PDE4D: variants seen among roughly 807,000 people sequenced by gnomAD.
PDE4D encodes the protein 3',5'-cyclic-AMP phosphodiesterase 4D.
A neutral mutation model predicts 87.4 loss-of-function variants in PDE4D; 24 were observed. The ratio of observed to expected loss-of-function variants is 0.27; its 90% CI spans 0.20 to 0.39. The LOEUF (loss-of-function observed/expected upper bound fraction) is 0.39, where lower values mean the gene tolerates loss of function less well. PDE4D is among the 10% of genes least tolerant of loss of function. PDE4D has a pLI of 1.00. For missense variants in PDE4D, 714 were observed against 1,041.0 expected (o/e 0.69, Z 4.32); for synonymous variants, 384 against 383.2 (o/e 1.00, Z -0.02).
chr5:60,518,748 T>C (rs1445587125), intron 1 of PDE4D, among the ~76,000 whole-genome samples: 1 of 152,210 alleles, frequency 6.6e-6, no homozygotes, highest in African/African-American at 2.4e-5. Flanking sequence ...CTAGTCTTCA[T>C]AATGTTGAAA....
chr5:60,208,570 A>C (rs189436821), intron 1 of PDE4D, among the ~76,000 whole-genome samples: 80 of 152,300 alleles, frequency 5.3e-4, no homozygotes, highest in Non-Finnish European at 9.3e-4. Context: ...AAAAAGGCAG[A>C]AAAGGGCACC....
chr5:59,482,680 T>A (rs1804476221), intron 1 of PDE4D, among the ~76,000 whole-genome samples: 1 of 152,148 alleles, frequency 6.6e-6, no homozygotes, highest in African/African-American at 2.4e-5. Flanking sequence ...ATCATTATCA[T>A]AACAGGGCAA....
chr5:60,154,975 C>T (rs1781837429), intron 2 of PDE4D, among the ~76,000 whole-genome samples: 1 of 152,134 alleles, frequency 6.6e-6, no homozygotes, highest in African/African-American at 2.4e-5. Flanking sequence ...GAATATATTA[C>T]AATTTATTAG....
chr5:59,437,663 T>A lies in PDE4D; in HGVS notation c.456-221695A>T, dbSNP rs73758693. 7.2e-3 allele frequency among the ~76,000 whole-genome samples: 1,093 copies of A among 151,902 alleles called. 14 individuals are homozygous for A. The highest frequency in any genetic ancestry group is 0.024 in the African/African-American group (997 of 41,402). On this transcript the variant is annotated intron_variant, in intron 1 of 14. Transcript: ENST00000340635. The stretch of plus-strand genomic sequence containing the variant: ...CAGCCAGCATTAATTGAGCATGTAC[T>A]ATGTATACACACAAGAAGTAGATGG...
At chr5:59,936,946 G>A (rs1213588937) in intron 3 of PDE4D, among the ~76,000 whole-genome samples, 1 of 152,192 alleles carries the variant, frequency 6.6e-6, no homozygotes, top group Non-Finnish European at 1.5e-5. Context: ...GTAGTTCAAA[G>A]TTTTCTGGAG....
intron 6 of PDE4D, among the ~76,000 whole-genome samples, chr5:59,023,298 G>C (rs1387336620): frequency 6.6e-6 from 1 of 151,842 alleles, no homozygotes; most frequent in African/African-American, 2.4e-5. Context: ...CACTTATTTA[G>C]AAGCACATAG....
upstream of PDE4D, chr5:60,488,412 C>G (rs1354143357): frequency 6.6e-6 from 1 of 151,898 alleles, no homozygotes; most frequent in Non-Finnish European, 1.5e-5. Context: ...GGCACGGCAG[C>G]AAACGCCTGA....
chr5:60,439,748 T>G (rs1745044420), intron 1 of PDE4D, among the ~76,000 whole-genome samples: 3 of 152,098 alleles, frequency 2.0e-5, no homozygotes, highest in African/African-American at 7.2e-5. Context: ...CTGTTGCCAG[T>G]TGAGCCCCGG....
At chr5:60,125,446 A>G (rs1779049927) in intron 2 of PDE4D, among the ~76,000 whole-genome samples, 1 of 152,118 alleles carries the variant, frequency 6.6e-6, no homozygotes, top group East Asian at 1.9e-4. Context: ...TACTGCATTT[A>G]TCTTCTATAG....
At chr5:60,381,610 A>G (rs1761866248) in intron 1 of PDE4D, among the ~76,000 whole-genome samples, 1 of 152,206 alleles carries the variant, frequency 6.6e-6, no homozygotes, top group Non-Finnish European at 1.5e-5. Flanking sequence ...ATGGTAGTTT[A>G]GTGAACAGAT....
chr5:59,644,174 G>A (rs1561391702), intron 1 of PDE4D, among the ~76,000 whole-genome samples: 2 of 152,186 alleles, frequency 1.3e-5, no homozygotes, highest in African/African-American at 4.8e-5. Context: ...GATGTTGCAT[G>A]TTCTCTGAAT....
chr5:59,034,538 T>C (rs1353482613), intron 6 of PDE4D, among the ~76,000 whole-genome samples: 1 of 152,148 alleles, frequency 6.6e-6, no homozygotes, highest in Non-Finnish European at 1.5e-5. Context: ...AGAAAATACA[T>C]CAACAAAAAG....
intron 2 of PDE4D, among the ~76,000 whole-genome samples, chr5:60,110,246 G>C (rs1446983489): frequency 6.6e-6 from 1 of 152,040 alleles, no homozygotes; most frequent in Non-Finnish European, 1.5e-5. Context: ...CCTGTAGAAT[G>C]GGAGAAAATA....
intron 6 of PDE4D, among the ~76,000 whole-genome samples, chr5:58,996,255 C>T (rs1413659846): frequency 2.0e-5 from 3 of 152,024 alleles, no homozygotes; most frequent in African/African-American, 4.8e-5. Context: ...GCACGTTCTG[C>T]ACATGTATAC....
chr5:60,361,231 G>A (rs1014449543), intron 1 of PDE4D, among the ~76,000 whole-genome samples: 1 of 152,182 alleles, frequency 6.6e-6, no homozygotes, highest in Non-Finnish European at 1.5e-5. Context: ...TGTCTGATCT[G>A]TTCCCATGGA....
At chr5:60,129,886 C>G (rs1779423013) in intron 2 of PDE4D, among the ~76,000 whole-genome samples, 2 of 152,136 alleles carry the variant, frequency 1.3e-5, no homozygotes, top group African/African-American at 4.8e-5. Flanking sequence ...CTTGCTGCAG[C>G]CTGAATGTAT....
intron 1 of PDE4D, among the ~76,000 whole-genome samples, chr5:60,337,388 T>TATATATACACACACAC (rs66871903): frequency 3.4e-5 from 3 of 89,478 alleles, no homozygotes; most frequent in African/African-American, 8.5e-5. Context: ...TATATATATA[T>TATATATACACACACAC]ACACACACAC....
chr5:60,400,521 C>CAAAAAAAA (rs56750243), intron 1 of PDE4D, among the ~76,000 whole-genome samples: 1 of 62,322 alleles, frequency 1.6e-5, no homozygotes, highest in Non-Finnish European at 2.8e-5. Flanking sequence ...GACTCCATCT[C>CAAAAAAAA]AAAAAAAAAA....
At chr5:59,550,720 CAG>C (rs1461758406) in intron 1 of PDE4D, among the ~76,000 whole-genome samples, 8 of 134,464 alleles carry the variant, frequency 5.9e-5, no homozygotes, top group African/African-American at 2.2e-4. Flanking sequence ...TTTTTTGAGA[CAG>C]AGTCTCACTC....
Sources: allele counts gnomAD v4.1 joint callset (sites outside exome capture counted in the v4.1 genomes callset), GRCh38; gene constraint gnomAD v4.1.1; transcripts MANE v1.5; gene names NCBI Gene and HGNC (gene_info 2026-07-23, HGNC 2026-07-21).